The following GRIK2 variants were observed in gnomAD, a reference collection of about 807,000 sequenced individuals.
The protein encoded by GRIK2 is glutamate ionotropic receptor kainate type subunit 2, also known as glutamate receptor ionotropic, kainate 2.
Under a neutral mutation model 100.3 loss-of-function variants are expected in GRIK2, and 32 were observed. The observed-to-expected ratio is 0.32, with a 90% CI of 0.24 to 0.43. The LOEUF (loss-of-function observed/expected upper bound fraction) is 0.43. Among genes scored for constraint, GRIK2 ranks in the 20% least tolerant of loss-of-function variants. The pLI is 1.00. For missense variants in GRIK2, 843 were observed against 1,114.9 expected (o/e 0.76, Z 3.47); for synonymous variants, 417 against 389.4 (o/e 1.07, Z -0.83).
intron 2 of GRIK2, among the ~76,000 whole-genome samples, chr6:101,470,963 A>G (rs1771918087): frequency 6.6e-6 from 1 of 152,192 alleles, no homozygotes; most frequent in Non-Finnish European, 1.5e-5. Context: ...GAGGACAAGT[A>G]TTAAGTTGAA....
intron 16 of GRIK2, chr6:102,064,112 T>C (rs890235605): frequency 8.0e-6 from 6 of 753,064 alleles, no homozygotes; most frequent in South Asian, 3.2e-5. Flanking sequence ...GGAGAAACAT[T>C]TTTATTGTTG....
At chr6:101,459,472 A>G (rs570213291) in intron 2 of GRIK2, among the ~76,000 whole-genome samples, 38 of 152,332 alleles carry the variant, frequency 2.5e-4, no homozygotes, top group Admixed American at 1.3e-3. Context: ...GCATATTCAC[A>G]GTATAGTTCT....
intron 10 of GRIK2, among the ~76,000 whole-genome samples, chr6:101,819,873 A>G (rs1781851278): frequency 6.6e-6 from 1 of 152,126 alleles, no homozygotes; most frequent in African/African-American, 2.4e-5. Flanking sequence ...CAACAACACA[A>G]CAACGACAAT....
intron 10 of GRIK2, among the ~76,000 whole-genome samples, chr6:101,833,474 C>A (rs771029216): frequency 6.6e-6 from 1 of 152,092 alleles, no homozygotes; most frequent in African/African-American, 2.4e-5. Flanking sequence ...ACCTCGTGAT[C>A]CACCCACCTC....
intron 5 of GRIK2, among the ~76,000 whole-genome samples, chr6:101,681,040 T>G (rs1771206498): frequency 6.6e-6 from 1 of 152,206 alleles, no homozygotes; most frequent in Non-Finnish European, 1.5e-5. Context: ...CTTAAAGAAT[T>G]CATGTTGCAG....
intron 4 of GRIK2, among the ~76,000 whole-genome samples, chr6:101,639,084 G>A (rs1781160807): frequency 1.3e-5 from 2 of 152,182 alleles, no homozygotes; most frequent in South Asian, 2.1e-4. Flanking sequence ...TCTGTCGCCA[G>A]GCTGGAATGC....
At chr6:101,914,636 C>G (rs947134343) in intron 12 of GRIK2, among the ~76,000 whole-genome samples, 3 of 151,428 alleles carry the variant, frequency 2.0e-5, no homozygotes, top group African/African-American at 7.3e-5. Context: ...CCACCACACC[C>G]AAGTGTTACT....
At chr6:101,949,431 T>C (rs1419531306) in intron 14 of GRIK2, among the ~76,000 whole-genome samples, 4 of 152,132 alleles carry the variant, frequency 2.6e-5, no homozygotes, top group Admixed American at 1.3e-4. Flanking sequence ...GTTTGTTACA[T>C]AGATATACAC....
intron 2 of GRIK2, among the ~76,000 whole-genome samples, chr6:101,571,853 T>G (rs1208703162): frequency 1.3e-5 from 2 of 152,132 alleles, no homozygotes; most frequent in Non-Finnish European, 2.9e-5. Flanking sequence ...GTCATGGACA[T>G]CTATACATAA....
intron 7 of GRIK2, among the ~76,000 whole-genome samples, chr6:101,754,150 G>A (rs1776975675): frequency 6.6e-6 from 1 of 151,980 alleles, no homozygotes; most frequent in South Asian, 2.1e-4. Flanking sequence ...ATTTATGTTG[G>A]TAAAGTGATT....
intron 14 of GRIK2, among the ~76,000 whole-genome samples, chr6:101,950,446 C>A (rs1791540368): frequency 6.6e-6 from 1 of 152,112 alleles, no homozygotes; most frequent in South Asian, 2.1e-4. Context: ...ATCTCAGGAT[C>A]CAAAATTGTT....
Position 101,859,299 on chromosome 6 carries a change from G to T in GRIK2, c.1330G>T (p.Val444Phe). ...IVTTILEEPYVLFKKSDKPLY... is the reference protein window; with the variant it reads ...IVTTILEEPYFLFKKSDKPLY... Reference sequence around the variant, plus strand: ...TCAATGTTTTCAGGAAGAGCCTTATGTCCTTTTTAAGAAGTCTGACAAACC... The same window carrying T: ...TCAATGTTTTCAGGAAGAGCCTTATTTCCTTTTTAAGAAGTCTGACAAACC... Residue 444 changes from valine (V) to phenylalanine (F), a missense_variant, in exon 11 of 17, where the codon GTC becomes TTC. Val to Phe is a conservative substitution (Grantham distance 50). Around this residue, in one of 3 missense-constraint regions of GRIK2, gnomAD observed 519 missense variants for 643.8 expected, o/e 0.81. Coordinates refer to ENST00000369134, the MANE Select transcript of GRIK2 (RefSeq NM_021956.5). The T allele has an allele frequency of 6.4e-7, 1 of 1,574,800 alleles. No homozygotes were observed.
chr6:101,498,438 G>A (rs1179291963), intron 2 of GRIK2, among the ~76,000 whole-genome samples: 9 of 151,880 alleles, frequency 5.9e-5, no homozygotes, highest in African/African-American at 1.2e-4. Context: ...CTGAGGAATC[G>A]CCACACTGAC....
intron 12 of GRIK2, among the ~76,000 whole-genome samples, chr6:101,908,773 T>G (rs1207727877): frequency 7.5e-6 from 1 of 132,738 alleles, no homozygotes; most frequent in Non-Finnish European, 1.6e-5. Context: ...ATAGGAAGGA[T>G]AAAAATGGAG....
At chr6:101,584,888 ATCC>A (rs1778278644) in intron 2 of GRIK2, among the ~76,000 whole-genome samples, 1 of 151,868 alleles carries the variant, frequency 6.6e-6, no homozygotes, top group African/African-American at 2.4e-5. Context: ...TAGTTACATA[ATCC>A]TCTTTTATGT....
At chr6:101,548,322 G>C (rs576676964) in intron 2 of GRIK2, among the ~76,000 whole-genome samples, 1 of 152,096 alleles carries the variant, frequency 6.6e-6, no homozygotes, top group African/African-American at 2.4e-5. Context: ...CTCCTTAGTT[G>C]AATTAGATCC....
intron 2 of GRIK2, among the ~76,000 whole-genome samples, chr6:101,508,206 A>C (rs895152834): frequency 1.3e-5 from 2 of 152,076 alleles, no homozygotes; most frequent in Non-Finnish European, 2.9e-5. Flanking sequence ...TAAAGTTTAT[A>C]AGAGAAAAAT....
In GRIK2 at chr6:101,869,323, CAATT is replaced by C. The variant is rs558688781; in HGVS notation, c.1524+9833_1524+9836del. Among the ~76,000 whole-genome samples the C allele has an allele frequency of 3.4e-4, 52 of 151,946 alleles. 2 individuals are homozygous for C. In the South Asian group the frequency reaches 0.011, roughly 32 times the overall value. On this transcript the variant is annotated intron_variant, in intron 11 of 16. Coordinates refer to ENST00000369134, the MANE Select transcript of GRIK2 (RefSeq NM_021956.5). Reference sequence around the variant, plus strand: ...AAGAAGAAAATAGATCTAGTTTTCTCAATTAAGAAGAATTTATTGAAAATGTATT... The same window carrying C: ...AAGAAGAAAATAGATCTAGTTTTCTCAAGAAGAATTTATTGAAAATGTATT...
intron 2 of GRIK2, among the ~76,000 whole-genome samples, chr6:101,484,538 T>TACAC (rs138774364): frequency 0.09 from 13,364 of 147,940 alleles, 650 homozygotes; most frequent in East Asian, 0.25. Context: ...TATATGTAAC[T>TACAC]ACACACACAC....
Sources: gnomAD v4.1 joint callset for allele counts (sites outside exome capture counted in the v4.1 genomes callset) on GRCh38, gnomAD v4.1.1 for gene constraint, gnomAD v4.1.1 regional missense constraint, MANE v1.5 for transcripts, NCBI Gene and HGNC (gene_info 2026-07-23, HGNC 2026-07-21) for gene names.